The following GPC5 variants were observed in gnomAD, a reference collection of about 807,000 sequenced individuals.
GPC5 encodes glypican 5.
GPC5 carries 47 observed loss-of-function variants against 53.9 expected under a neutral mutation model. That is an observed-to-expected ratio of 0.87 (90% confidence interval 0.69 to 1.11). GPC5 has a LOEUF of 1.11. GPC5 is among the 50% of genes most tolerant of loss of function. The probability of loss-of-function intolerance (pLI) is 0.00; values close to 1 mark genes in which losing one functional copy is unlikely to be tolerated. For missense variants in GPC5, 748 were observed against 713.1 expected (o/e 1.05, Z -0.56); for synonymous variants, 286 against 263.3 (o/e 1.09, Z -0.84).
At chr13:91,757,453 C>T (rs956098629) in intron 5 of GPC5, among the ~76,000 whole-genome samples, 1 of 151,950 alleles carries the variant, frequency 6.6e-6, no homozygotes, top group South Asian at 2.1e-4. Flanking sequence ...TTGTGGTTCC[C>T]GTAATCCCCA....
At chr13:91,737,330 T>G (rs1306450157) in intron 4 of GPC5, among the ~76,000 whole-genome samples, 2 of 151,506 alleles carry the variant, frequency 1.3e-5, no homozygotes, top group Non-Finnish European at 2.9e-5. Context: ...CTATAATATT[T>G]GTTTAACAAT....
intron 6 of GPC5, among the ~76,000 whole-genome samples, chr13:92,018,149 G>C (rs2040725557): frequency 2.0e-5 from 3 of 152,082 alleles, no homozygotes; most frequent in Admixed American, 1.3e-4. Context: ...CAACCCCGGT[G>C]CAACAGCTCT....
chr13:92,118,975 A>AAACTCC (rs1330910250), intron 6 of GPC5, among the ~76,000 whole-genome samples: 3 of 152,252 alleles, frequency 2.0e-5, no homozygotes, highest in Non-Finnish European at 4.4e-5. Flanking sequence ...GGTTGAAAAG[A>AAACTCC]AACTCCTTCT....
intron 6 of GPC5, among the ~76,000 whole-genome samples, chr13:92,094,366 C>A: frequency 6.6e-6 from 1 of 151,016 alleles, no homozygotes. Flanking sequence ...AATACAAAAA[C>A]AAAATTAGCC....
intron 6 of GPC5, among the ~76,000 whole-genome samples, chr13:92,134,108 T>C (rs2041765606): frequency 6.6e-6 from 1 of 152,194 alleles, no homozygotes; most frequent in Non-Finnish European, 1.5e-5. Flanking sequence ...ACAGGCAATG[T>C]AGAATTGTCT....
chr13:92,005,243 A>G (rs9556138), intron 6 of GPC5, among the ~76,000 whole-genome samples: 86,743 of 152,074 alleles, frequency 0.57, 25,856 homozygotes, highest in African/African-American at 0.73. Context: ...GAGGAATGAA[A>G]AGGGAGCCCA....
chr13:92,483,516 G>A (rs1432670887), intron 7 of GPC5, among the ~76,000 whole-genome samples: 3 of 152,114 alleles, frequency 2.0e-5, no homozygotes, highest in Non-Finnish European at 4.4e-5. Flanking sequence ...AGTTACTGTG[G>A]GTGAGTCAGT....
chr13:91,817,088 C>A (rs2038411395), intron 5 of GPC5, among the ~76,000 whole-genome samples: 1 of 152,100 alleles, frequency 6.6e-6, no homozygotes, highest in Non-Finnish European at 1.5e-5. Flanking sequence ...TGAATTTTAG[C>A]TTCATTTTAG....
At chr13:92,862,321 A>AATTAATTATAC (rs2138856485) in intron 7 of GPC5, among the ~76,000 whole-genome samples, 1 of 152,328 alleles carries the variant, frequency 6.6e-6, no homozygotes, top group Non-Finnish European at 1.5e-5. Context: ...AATATTAATT[A>AATTAATTATAC]AAAGTGTTCT....
intron 7 of GPC5, among the ~76,000 whole-genome samples, chr13:92,399,740 C>T (rs1392467483): frequency 6.6e-6 from 1 of 152,112 alleles, no homozygotes; most frequent in East Asian, 1.9e-4. Flanking sequence ...AACTGCTGCT[C>T]CTTAAGACTT....
At chr13:91,546,131 T>C (rs973451927) in intron 2 of GPC5, among the ~76,000 whole-genome samples, 4 of 152,244 alleles carry the variant, frequency 2.6e-5, no homozygotes, top group Admixed American at 2.6e-4. Context: ...TTTAGGATAA[T>C]ATCATGATCT....
chr13:92,511,237 T>G (rs981326467), intron 7 of GPC5, among the ~76,000 whole-genome samples: 2 of 152,206 alleles, frequency 1.3e-5, no homozygotes, highest in Admixed American at 6.5e-5. Context: ...AGAATAGATT[T>G]CTATCTATCA....
chr13:91,638,274 A>G (rs1303297332), intron 2 of GPC5, among the ~76,000 whole-genome samples: 3 of 152,112 alleles, frequency 2.0e-5, no homozygotes, highest in African/African-American at 7.2e-5. Flanking sequence ...GTGTTTTCTC[A>G]TTTCTAAATC....
chr13:91,788,161 T>A (rs1158187574), intron 5 of GPC5, among the ~76,000 whole-genome samples: 3 of 152,226 alleles, frequency 2.0e-5, no homozygotes, highest in African/African-American at 7.2e-5. Context: ...GGCAGGGCAG[T>A]CCAAGAACAA....
intron 7 of GPC5, among the ~76,000 whole-genome samples, chr13:92,408,584 T>G (rs964138454): frequency 2.6e-5 from 4 of 151,694 alleles, no homozygotes; most frequent in Non-Finnish European, 5.9e-5. Flanking sequence ...TGGCATCTGG[T>G]AAAGAGTGTT....
chr13:91,431,690 G>C (rs555640899), intron 1 of GPC5, among the ~76,000 whole-genome samples: 1 of 152,316 alleles, frequency 6.6e-6, no homozygotes, highest in South Asian at 2.1e-4. Flanking sequence ...CAGAGGTGTG[G>C]GTTCACATTA....
chr13:92,729,449 A>G (rs1888742837), intron 7 of GPC5, among the ~76,000 whole-genome samples: 1 of 151,476 alleles, frequency 6.6e-6, no homozygotes, highest in South Asian at 2.1e-4. Context: ...ATTGTGTGAA[A>G]TGATATTTGA....
At chr13:92,618,685 G>GT (rs1884776041) in intron 7 of GPC5, among the ~76,000 whole-genome samples, 1 of 87,718 alleles carries the variant, frequency 1.1e-5, no homozygotes, top group African/African-American at 3.2e-5. Context: ...TTTAAAAAAT[G>GT]TTAAAAAAAA....
chr13:92,464,926 T>C (rs1878632985), intron 7 of GPC5, among the ~76,000 whole-genome samples: 1 of 151,786 alleles, frequency 6.6e-6, no homozygotes, highest in African/African-American at 2.4e-5. Context: ...CAATGTATAT[T>C]TAAATGTTAT....
Sources: gnomAD v4.1 joint callset for allele counts (sites outside exome capture counted in the v4.1 genomes callset) on GRCh38, gnomAD v4.1.1 for gene constraint, MANE v1.5 for transcripts, NCBI Gene and HGNC (gene_info 2026-07-23, HGNC 2026-07-21) for gene names.